Variants in ANKRD17 observed in about 807,000 individuals in gnomAD.
The protein encoded by ANKRD17 is ankyrin repeat domain 17, also known as ankyrin repeat domain-containing protein 17.
In ANKRD17, 19 loss-of-function variants were observed where a neutral mutation model predicts 229.7. That is an observed-to-expected ratio of 0.08 (90% confidence interval 0.06 to 0.12). The LOEUF (loss-of-function observed/expected upper bound fraction) is 0.12, where lower values mean the gene tolerates loss of function less well. ANKRD17 is among the 10% of genes least tolerant of loss of function. The pLI is 1.00. For missense variants in ANKRD17, 2,176 were observed against 3,176.8 expected (o/e 0.68, Z 7.57); for synonymous variants, 1,112 against 1,146.1 (o/e 0.97, Z 0.60).
At chr4:73,171,181 GAGAGAGA>G (rs1733962920) in intron 2 of ANKRD17, among the ~76,000 whole-genome samples, 100 of 46,948 alleles carry the variant, frequency 2.1e-3, no homozygotes, top group Non-Finnish European at 3.9e-3. Flanking sequence ...AGAGGGGGGA[GAGAGAGA>G]GAGAGAGAGA....
intron 15 of ANKRD17, among the ~76,000 whole-genome samples, chr4:73,137,037 G>A (rs1423342922): frequency 2.8e-5 from 4 of 143,356 alleles, no homozygotes; most frequent in Non-Finnish European, 3.0e-5. Context: ...TCATCTAAAA[G>A]GAGACAGGAA....
At chr4:73,097,424 T>C (rs1307255813) in intron 26 of ANKRD17, 152 bp from the exon 27 acceptor site, 2 of 640,052 alleles carry the variant, frequency 3.1e-6, no homozygotes, top group East Asian at 3.4e-5. Flanking sequence ...TAGCATATAA[T>C]ATAGAGAGCC....
intron 1 of ANKRD17, among the ~76,000 whole-genome samples, chr4:73,182,051 C>CAAAAA (rs143812968): frequency 3.9e-4 from 17 of 43,254 alleles, no homozygotes; most frequent in East Asian, 2.1e-3. Context: ...CCGTCCCCAC[C>CAAAAA]AAAAAAAAAA....
At chr4:73,141,415 T>A (rs944623754) in intron 14 of ANKRD17, among the ~76,000 whole-genome samples, 1 of 152,154 alleles carries the variant, frequency 6.6e-6, no homozygotes, top group Non-Finnish European at 1.5e-5. Flanking sequence ...ACTGCAGAGA[T>A]TTAGGTAAGT....
intron 1 of ANKRD17, among the ~76,000 whole-genome samples, chr4:73,223,278 T>C (rs1742100307): frequency 6.6e-6 from 1 of 152,210 alleles, no homozygotes; most frequent in Non-Finnish European, 1.5e-5. Context: ...TAAAGTCTCT[T>C]ATTTTACCAC....
intron 3 of ANKRD17, among the ~76,000 whole-genome samples, chr4:73,159,069 T>G (rs554161526): frequency 3.3e-5 from 5 of 152,382 alleles, no homozygotes; most frequent in African/African-American, 1.2e-4. Context: ...TATATTATTA[T>G]GTGCAATACT....
At chr4:73,258,035 G>C (rs1324787513) in intron 1 of ANKRD17, among the ~76,000 whole-genome samples, 1 of 130,388 alleles carries the variant, frequency 7.7e-6, no homozygotes, top group African/African-American at 3.0e-5. Flanking sequence ...GCCATCCCAT[G>C]ATAACAGGCT....
intron 2 of ANKRD17, among the ~76,000 whole-genome samples, chr4:73,167,250 C>T (rs1427811087): frequency 1.3e-5 from 2 of 151,786 alleles, no homozygotes; most frequent in Non-Finnish European, 1.5e-5. Flanking sequence ...TGAGAATTTC[C>T]ATTTAAAAAG....
chr4:73,121,550 G>T (rs1368566987), intron 19 of ANKRD17, 67 bp downstream of exon 19: 1 of 1,576,224 alleles, frequency 6.3e-7, no homozygotes, highest in Non-Finnish European at 8.7e-7. Flanking sequence ...CTAAAAAATA[G>T]GTGTTCTACA....
At chr4:73,192,012 T>C (rs911115270) in intron 1 of ANKRD17, among the ~76,000 whole-genome samples, 4 of 152,044 alleles carry the variant, frequency 2.6e-5, no homozygotes, top group African/African-American at 9.7e-5. Flanking sequence ...TATGGAATAA[T>C]AGCTACCTTA....
At chr4:73,113,585 T>C (rs1426351808) in intron 24 of ANKRD17, among the ~76,000 whole-genome samples, 1 of 152,226 alleles carries the variant, frequency 6.6e-6, no homozygotes, top group Non-Finnish European at 1.5e-5. Context: ...GTAATTCCTA[T>C]AACAAAATTT....
At chr4:73,127,957 G>A (rs765091291) in intron 16 of ANKRD17, among the ~76,000 whole-genome samples, 16 of 152,162 alleles carry the variant, frequency 1.1e-4, no homozygotes, top group Non-Finnish European at 1.8e-4. Flanking sequence ...AGAGGGAGAC[G>A]GCAAAAGCTG....
At position 73,148,890 on chromosome 4, in the gene ANKRD17, T is replaced by C. The variant is rs140346636; in HGVS notation, c.1490A>G (p.Asn497Ser). 10 of 1,614,040 alleles carry C rather than the reference T, an allele frequency of 6.2e-6. No individual in the cohort carries two copies. The highest frequency in any genetic ancestry group is 2.2e-5 in the East Asian group (1 of 44,876). ...CATCAATGGTGTATAACCTTCATCA[T>C]TGACCTCTTCCAGGCTAGCTCCTCT... ...IERGASLEEV[N>S]DEGYTPLMEA... The change falls in exon 8 of 34, where the codon AAT (asparagine) becomes AGT (serine). Residue 497 changes from asparagine to serine, a missense_variant. Physicochemically the swap from Asn to Ser is conservative, Grantham distance 46 (BLOSUM62 1). Transcript: ENST00000358602.
chr4:73,076,248 T>C lies in ANKRD17; in HGVS notation c.7795A>G (p.Met2599Val). Reference protein sequence around the residue: ...PWAPHMNSVHMNQLG With the variant: ...PWAPHMNSVHVNQLG ...GATCCTCATCAGCCAAGCTGGTTCA[T>C]ATGCACACTGTTCATGTGAGGTGCC... The change falls in exon 34 of 34, where the codon ATG (methionine) becomes GTG (valine). Residue 2599 changes from methionine (M) to valine (V), a missense_variant. Transcript: ENST00000358602. The C allele has an allele frequency of 6.2e-7, 1 of 1,611,554 alleles. No individual in the cohort carries two copies. The highest frequency in any genetic ancestry group is 1.3e-5 in the African/African-American group (1 of 74,850).
intron 1 of ANKRD17, among the ~76,000 whole-genome samples, chr4:73,254,297 C>T (rs1031158371): frequency 5.3e-5 from 8 of 152,168 alleles, no homozygotes; most frequent in African/African-American, 1.9e-4. Context: ...AATACTAAGT[C>T]AGTACTAATT....
chr4:73,236,780 A>C (rs1743551580), intron 1 of ANKRD17, among the ~76,000 whole-genome samples: 1 of 152,174 alleles, frequency 6.6e-6, no homozygotes, highest in Non-Finnish European at 1.5e-5. Flanking sequence ...AATAATGTAG[A>C]TTACCTCCAT....
chr4:73,127,200 T>C (rs1014255805), intron 16 of ANKRD17, among the ~76,000 whole-genome samples: 1 of 152,150 alleles, frequency 6.6e-6, no homozygotes, highest in African/African-American at 2.4e-5. Flanking sequence ...GATGAGGGAC[T>C]TCTGGTGCTA....
At chr4:73,107,253 G>C (rs1578068286) in intron 24 of ANKRD17, among the ~76,000 whole-genome samples, 1 of 152,312 alleles carries the variant, frequency 6.6e-6, no homozygotes. Context: ...GAACCTAAAA[G>C]TAGCATCAAG....
At chr4:73,153,252 G>A (rs1282809184) in intron 6 of ANKRD17, among the ~76,000 whole-genome samples, 2 of 152,100 alleles carry the variant, frequency 1.3e-5, no homozygotes, top group Non-Finnish European at 2.9e-5. Flanking sequence ...TATATAGACA[G>A]ATGACATAAA....
Sources: gnomAD v4.1 joint callset for allele counts (sites outside exome capture counted in the v4.1 genomes callset) on GRCh38, gnomAD v4.1.1 for gene constraint, MANE v1.5 for transcripts, NCBI Gene and HGNC (gene_info 2026-07-23, HGNC 2026-07-21) for gene names.